BCL2L11: variants seen among roughly 807,000 people sequenced by gnomAD.
BCL2L11 encodes the protein BCL2 like 11.
BCL2L11 carries 15 observed loss-of-function variants against 20.6 expected under a neutral mutation model. That is an observed-to-expected ratio of 0.73 (90% CI 0.49 to 1.12). The LOEUF is 1.12. Among genes scored for constraint, BCL2L11 ranks in the 50% most tolerant of loss-of-function variants. The probability of loss-of-function intolerance (pLI) is 0.00; values close to 1 mark genes in which losing one functional copy is unlikely to be tolerated. For synonymous variants in BCL2L11, 108 were observed against 92.8 expected, an observed-to-expected ratio of 1.16 and a Z score of -0.94; for missense variants, 292 against 260.9, an observed-to-expected ratio of 1.12 and a Z score of -0.82.
chr2:111,144,342 A>G, intron 2 of BCL2L11: 1 of 862,914 alleles, frequency 1.2e-6, no homozygotes, highest in Non-Finnish European at 1.8e-6. Context: ...ACAAGTGAGA[A>G]ATAGACCTGG....
At chr2:111,157,392 T>C (rs1205200632) in intron 3 of BCL2L11, among the ~76,000 whole-genome samples, 1 of 152,266 alleles carries the variant, frequency 6.6e-6, no homozygotes, top group Admixed American at 6.5e-5. Context: ...GGAGAGGTTT[T>C]AGTTGTGGTT....
chr2:111,130,973 G>A (rs1021136408), intron 2 of BCL2L11, among the ~76,000 whole-genome samples: 11 of 152,118 alleles, frequency 7.2e-5, no homozygotes, highest in Middle Eastern at 3.2e-3. Flanking sequence ...GGTAGGGTCT[G>A]TAATTCTTTT....
chr2:111,147,386 ACACACC>A (rs2076693597), intron 2 of BCL2L11, among the ~76,000 whole-genome samples: 1 of 142,798 alleles, frequency 7.0e-6, no homozygotes, highest in African/African-American at 2.5e-5. Flanking sequence ...ACACACACAC[ACACACC>A]CGCCATTTCT....
At chr2:111,162,388 C>T (rs1206988255) in intron 3 of BCL2L11, among the ~76,000 whole-genome samples, 1 of 152,190 alleles carries the variant, frequency 6.6e-6, no homozygotes. Flanking sequence ...CCAAAATTTC[C>T]TGCATTTTCC....
At chr2:111,126,840 C>T (rs1038646997) in intron 2 of BCL2L11, among the ~76,000 whole-genome samples, 3 of 152,120 alleles carry the variant, frequency 2.0e-5, no homozygotes, top group African/African-American at 7.2e-5. Context: ...TAAAGAGGTT[C>T]GCCTTAGCCA....
rs866899080 is a variant in BCL2L11 at position 111,146,853 on chromosome 2, T to G, written c.395-3191T>G. ...AGAGTTAAAATAAGAGTTTTTATCA[T>G]ATAGTCTTTATAGCCATGTACTACT... On this transcript the variant is annotated intron_variant, in intron 2 of 3. Coordinates refer to ENST00000393256, the MANE Select transcript of BCL2L11 (RefSeq NM_138621.5). Among the ~76,000 whole-genome samples the G allele has an allele frequency of 3.3e-5, 5 of 152,326 alleles. No homozygotes were observed. The South Asian group carries it at 1.0e-3, about 32-fold the overall frequency.
At chr2:111,124,974 T>G (rs367921289) in intron 2 of BCL2L11, among the ~76,000 whole-genome samples, 9 of 152,306 alleles carry the variant, frequency 5.9e-5, no homozygotes, top group East Asian at 3.9e-4. Flanking sequence ...AAGGCAGTAG[T>G]AGGGTTTGAA....
chr2:111,147,346 T>TCTCTCACA lies in BCL2L11; in HGVS notation c.395-2697_395-2696insTCTCACAC, dbSNP rs760779894. 8.8e-4 allele frequency among the ~76,000 whole-genome samples: 121 copies of TCTCTCACA among 137,410 alleles called. 1 individual carries two copies. Among genetic ancestry groups the TCTCTCACA allele is most frequent in the African/African-American group, 3.1e-3 (108 of 34,964 alleles). The allele number at this position is 137,410 out of a possible 152,430, so 90.1% of individuals were successfully genotyped here. A position where few individuals can be genotyped will look rare whatever the true frequency, so the allele number is the denominator to read the frequency against. On this transcript the variant is annotated intron_variant, in intron 2 of 3. Coordinates refer to ENST00000393256, the MANE Select transcript of BCL2L11 (RefSeq NM_138621.5). ...TCCTGTATCTCTCTCTCTCTCTCTC[T>TCTCTCACA]CACACACACACACACACACACACAC...
intron 3 of BCL2L11, among the ~76,000 whole-genome samples, chr2:111,159,457 G>A (rs1300115068): frequency 6.6e-6 from 1 of 152,184 alleles, no homozygotes; most frequent in African/African-American, 2.4e-5. Flanking sequence ...AAAGTCCAAA[G>A]GCCTGGAGTG....
chr2:111,158,978 G>A (rs1385525622), intron 3 of BCL2L11, among the ~76,000 whole-genome samples: 1 of 152,210 alleles, frequency 6.6e-6, no homozygotes, highest in East Asian at 1.9e-4. Flanking sequence ...GGGCCCAGTG[G>A]GTGTCAGCCC....
At position 111,164,339 on chromosome 2, in the gene BCL2L11, C is replaced by A; in HGVS notation, c.*108C>A. On this transcript the variant is annotated 3_prime_UTR_variant, in exon 4 of 4. Transcript: ENST00000393256. The stretch of plus-strand genomic sequence containing the variant: ...CCATTATTATGCAGCCAGCGGTTCT[C>A]TTGTGGAGGGGGCAGGTGACGTTTC... 2.5e-6 allele frequency: 2 copies of A among 816,002 alleles called. No homozygotes were observed. Among genetic ancestry groups the A allele is most frequent in the South Asian group, 2.8e-5 (2 of 70,464 alleles). 50.5% of individuals were successfully genotyped at this position (816,002 alleles called of 1,614,324 possible). A position where few individuals can be genotyped will look rare whatever the true frequency, so the allele number is the denominator to read the frequency against.
In BCL2L11 at chr2:111,123,091, G is replaced by A. The variant is rs1174573656; in HGVS notation, c.-13-642G>A. The A allele has an allele frequency of 3.1e-6, 3 of 976,638 alleles. No homozygotes were observed. In the African/African-American group the frequency reaches 5.3e-5, roughly 17 times the overall value. 60.5% of individuals were successfully genotyped at this position (976,638 alleles called of 1,614,324 possible). A position where few individuals can be genotyped will look rare whatever the true frequency, so the allele number is the denominator to read the frequency against. Reference sequence around the variant, plus strand: ...TTTAGAGATGTGCACCTCACGGTGTGCACCTCAGAGAAGTTCTGTCTGATT... The same window carrying A: ...TTTAGAGATGTGCACCTCACGGTGTACACCTCAGAGAAGTTCTGTCTGATT... On this transcript the variant is annotated intron_variant, in intron 1 of 3. Transcript: ENST00000393256.
intron 3 of BCL2L11, among the ~76,000 whole-genome samples, chr2:111,160,746 T>G (rs1368407503): frequency 6.6e-6 from 1 of 152,206 alleles, no homozygotes; most frequent in African/African-American, 2.4e-5. Context: ...CTAGCAAATT[T>G]GGTCTTTAAA....
At chr2:111,132,704 T>C (rs1324683104) in intron 2 of BCL2L11, among the ~76,000 whole-genome samples, 5 of 152,204 alleles carry the variant, frequency 3.3e-5, no homozygotes, top group African/African-American at 1.2e-4. Flanking sequence ...CCAGCAAACA[T>C]TGCCTGTAAT....
chr2:111,127,667 G>T lies in BCL2L11; in HGVS notation c.394+3528G>T, dbSNP rs57216397. 2.4e-3 allele frequency among the ~76,000 whole-genome samples: 361 copies of T among 152,214 alleles called. 15 individuals carry two copies. The East Asian group carries it at 0.034, about 14-fold the overall frequency. ...AGAAAAAGATCCTGACCTCTGCTCT[G>T]CCAAAGTGTTTTTAATTACCTGGAT... On this transcript the variant is annotated intron_variant, in intron 2 of 3. Coordinates refer to ENST00000393256, the MANE Select transcript of BCL2L11 (RefSeq NM_138621.5).
chr2:111,122,111 T>A (rs575516400), intron 1 of BCL2L11, among the ~76,000 whole-genome samples: 88 of 152,298 alleles, frequency 5.8e-4, no homozygotes, highest in African/African-American at 2.1e-3. Flanking sequence ...GGGTGGCTCT[T>A]CGGCTTTGAC....
At chr2:111,145,503 A>T (rs188147276) in intron 2 of BCL2L11, among the ~76,000 whole-genome samples, 95 of 148,912 alleles carry the variant, frequency 6.4e-4, no homozygotes, top group African/African-American at 1.5e-3. Context: ...CTCTTTTTTT[A>T]AAAAAAAAAG....
At position 111,167,357 on chromosome 2, in the gene BCL2L11, G is replaced by A. The variant is rs1486259271; in HGVS notation, c.*3126G>A. 2 of 152,132 alleles carry A rather than the reference G, an allele frequency of 1.3e-5. No individual in the cohort carries two copies. Among genetic ancestry groups the A allele is most frequent in the East Asian group, 3.8e-4 (2 of 5,198 alleles). 9.4% of individuals were successfully genotyped at this position (152,132 alleles called of 1,614,324 possible). On this transcript the variant is annotated 3_prime_UTR_variant, in exon 4 of 4. Transcript: ENST00000393256. ...GCCAGTGAGAAACTCAGTCTGGCAGGCTACAAAATTCTACTCCAAGAAATA... is the reference window on the plus strand; with the variant it reads ...GCCAGTGAGAAACTCAGTCTGGCAGACTACAAAATTCTACTCCAAGAAATA...
chr2:111,128,613 T>TC (rs2150286568), intron 2 of BCL2L11: 1 of 1,481,680 alleles, frequency 6.7e-7, no homozygotes, highest in East Asian at 2.5e-5. Context: ...CTTTTTTTTT[T>TC]TTTTTTTTAA....
Sources: allele counts gnomAD v4.1 joint callset (sites outside exome capture counted in the v4.1 genomes callset), GRCh38; gene constraint gnomAD v4.1.1; transcripts MANE v1.5; gene names NCBI Gene and HGNC (gene_info 2026-07-23, HGNC 2026-07-21).